Variants in NTN4 observed in about 807,000 individuals in gnomAD.
The protein encoded by NTN4 is netrin 4.
A neutral mutation model predicts 73.6 loss-of-function variants in NTN4; 32 were observed. The observed-to-expected ratio is 0.44, with a 90% confidence interval of 0.33 to 0.58. The LOEUF (loss-of-function observed/expected upper bound fraction) is 0.58. Among genes scored for constraint, NTN4 ranks in the 20% least tolerant of loss-of-function variants. The pLI is 0.04. For missense variants in NTN4, 654 were observed against 798.3 expected (o/e 0.82, Z 2.18); for synonymous variants, 258 against 287.5 (o/e 0.90, Z 1.04).
intron 1 of NTN4, 140 bp from the exon 2 acceptor site, chr12:95,787,608 A>G: frequency 2.7e-6 from 2 of 731,230 alleles, no homozygotes. Context: ...ACCATGCTCC[A>G]CCATGTTCCT....
intron 3 of NTN4, among the ~76,000 whole-genome samples, chr12:95,733,829 G>T (rs747919845): frequency 1.2e-4 from 18 of 152,102 alleles, no homozygotes; most frequent in Non-Finnish European, 2.5e-4. Flanking sequence ...CAGCACTTTG[G>T]AAGGCCGAGG....
chr12:95,665,289 G>T (rs1277061766), intron 9 of NTN4, among the ~76,000 whole-genome samples: 2 of 152,092 alleles, frequency 1.3e-5, no homozygotes, highest in African/African-American at 4.8e-5. Context: ...GTTTATTTCT[G>T]CTGTTTCTAA....
chr12:95,759,077 T>G (rs1477098113), intron 2 of NTN4, among the ~76,000 whole-genome samples: 1 of 152,232 alleles, frequency 6.6e-6, no homozygotes, highest in Non-Finnish European at 1.5e-5. Context: ...TTCTGTCCCT[T>G]CACATATGAA....
chr12:95,702,007 C>T (rs562586393), intron 5 of NTN4, among the ~76,000 whole-genome samples: 4 of 151,868 alleles, frequency 2.6e-5, no homozygotes, highest in African/African-American at 4.8e-5. Flanking sequence ...TGGCTGGGCG[C>T]GGTGGCTCAC....
intron 8 of NTN4, 71 bp downstream of exon 8, chr12:95,670,007 C>G (rs1592653075): frequency 1.2e-6 from 1 of 841,862 alleles, no homozygotes; most frequent in East Asian, 2.5e-5. Context: ...GTCAGGCCTC[C>G]CATTTTCTTA....
Position 95,722,973 on chromosome 12 carries a change from C to CAAAAAA in NTN4, c.865-9641_865-9636dup, listed in dbSNP as rs71087998. 1.8e-4 allele frequency among the ~76,000 whole-genome samples: 10 copies of CAAAAAA among 55,352 alleles called. 2 individuals carry two copies. The highest frequency in any genetic ancestry group is 2.5e-4 in the Non-Finnish European group (8 of 31,592). 36.3% of individuals were successfully genotyped at this position (55,352 alleles called of 152,430 possible). A position where few individuals can be genotyped will look rare whatever the true frequency, so the allele number is the denominator to read the frequency against. ...TGGGTGACAGAGTGAGACTCTGTCTCAAAAAAAAAAAAAAAAAAAAAAAAA... is the reference window on the plus strand; with the variant it reads ...TGGGTGACAGAGTGAGACTCTGTCTCAAAAAAAAAAAAAAAAAAAAAAAAAAAAAAA... On this transcript the variant is annotated intron_variant, in intron 3 of 9. Coordinates refer to ENST00000343702, the MANE Select transcript of NTN4 (RefSeq NM_021229.4).
intron 3 of NTN4, 40 bp from the exon 4 acceptor site, chr12:95,713,378 C>A: frequency 1.3e-6 from 2 of 1,516,534 alleles, no homozygotes; most frequent in South Asian, 1.3e-5. Flanking sequence ...GCACACATGT[C>A]GCCAAAGAAG....
chr12:95,751,576 C>G (rs1484811576), intron 2 of NTN4, among the ~76,000 whole-genome samples: 1 of 151,944 alleles, frequency 6.6e-6, no homozygotes, highest in Non-Finnish European at 1.5e-5. Flanking sequence ...CAGCCACTCC[C>G]AGAGCCCCTG....
At position 95,713,409 on chromosome 12, in the gene NTN4, A is replaced by G. The variant is rs1458702441; in HGVS notation, c.865-71T>C. 4.1e-6 allele frequency: 6 copies of G among 1,448,918 alleles called. No homozygotes were observed. The African/African-American group carries it at 4.2e-5, about 10-fold the overall frequency. The allele number at this position is 1,448,918 out of a possible 1,614,324, so 89.8% of individuals were successfully genotyped here. Reference sequence around the variant, plus strand: ...AGAAGAACAGAACATGCTTCCCACAATCTAATCTCATGGATTGGCTTTAGT... The same window carrying G: ...AGAAGAACAGAACATGCTTCCCACAGTCTAATCTCATGGATTGGCTTTAGT... On this transcript the variant is annotated intron_variant, in intron 3 of 9. Coordinates refer to ENST00000343702, the MANE Select transcript of NTN4 (RefSeq NM_021229.4).
In NTN4 at chr12:95,790,398, G is replaced by C; in HGVS notation, c.-89C>G. Reference sequence around the variant, plus strand: ...TGCGGGATGAAGCGCCGCCGTCCTCGGGAGGGAACGGGGCCCTGGTTTCTT... The same window carrying C: ...TGCGGGATGAAGCGCCGCCGTCCTCCGGAGGGAACGGGGCCCTGGTTTCTT... On this transcript the variant is annotated 5_prime_UTR_variant, in exon 1 of 10. Transcript: ENST00000343702. The surrounding 1 kb of genome is among the most constrained non-coding windows in gnomAD (Gnocchi z 6.5). The C allele has an allele frequency of 1.8e-6, 2 of 1,128,280 alleles. No homozygotes were observed. The highest frequency in any genetic ancestry group is 2.4e-6 in the Non-Finnish European group (2 of 820,810). 69.9% of individuals were successfully genotyped at this position (1,128,280 alleles called of 1,614,324 possible). A position where few individuals can be genotyped will look rare whatever the true frequency, so the allele number is the denominator to read the frequency against.
Position 95,682,962 on chromosome 12 carries a change from G to T in NTN4, c.1395-140C>A, listed in dbSNP as rs2078330449. 9.2e-6 allele frequency: 5 copies of T among 544,364 alleles called. No homozygotes were observed. In the Admixed American group the frequency reaches 1.7e-4, roughly 19 times the overall value. The allele number at this position is 544,364 out of a possible 1,614,324, so 33.7% of individuals were successfully genotyped here. On this transcript the variant is annotated intron_variant, in intron 6 of 9. Transcript: ENST00000343702. ...AGAAATAGTGTTTTAAGGAACTATT[G>T]TGAAGACAATAATTATTTTGCAAAA...
intron 5 of NTN4, among the ~76,000 whole-genome samples, chr12:95,706,596 C>A (rs2078523475): frequency 6.6e-6 from 1 of 151,988 alleles, no homozygotes; most frequent in Admixed American, 6.6e-5. Flanking sequence ...CTCCTAGTAC[C>A]CTAGAAAATA....
intron 5 of NTN4, among the ~76,000 whole-genome samples, chr12:95,703,084 T>C (rs1278300439): frequency 6.6e-6 from 1 of 152,118 alleles, no homozygotes; most frequent in Admixed American, 6.5e-5. Flanking sequence ...CTCGAACTCC[T>C]GACCTCAGGT....
At chr12:95,736,448 G>A (rs2121171498) in intron 3 of NTN4, among the ~76,000 whole-genome samples, 1 of 152,300 alleles carries the variant, frequency 6.6e-6, no homozygotes, top group East Asian at 1.9e-4. Context: ...GGAAACAAAA[G>A]ATCTGCATGC....
chr12:95,679,577 C>T (rs1486981411), intron 7 of NTN4, among the ~76,000 whole-genome samples: 2 of 152,188 alleles, frequency 1.3e-5, no homozygotes, highest in Non-Finnish European at 2.9e-5. Context: ...CCTCACATCC[C>T]TATTTACCCA....
At chr12:95,782,534 G>A (rs768264601) in intron 2 of NTN4, among the ~76,000 whole-genome samples, 1 of 152,014 alleles carries the variant, frequency 6.6e-6, no homozygotes, top group African/African-American at 2.4e-5. Flanking sequence ...CTGACCTTAG[G>A]TGATCTGCCT....
chr12:95,690,705 T>C (rs1270899969), intron 5 of NTN4, among the ~76,000 whole-genome samples: 5 of 152,108 alleles, frequency 3.3e-5, no homozygotes, highest in African/African-American at 4.8e-5. Flanking sequence ...CATAATCTAG[T>C]ATGAAAATTA....
intron 3 of NTN4, among the ~76,000 whole-genome samples, chr12:95,727,360 T>G (rs1049545186): frequency 2.0e-5 from 3 of 152,198 alleles, no homozygotes; most frequent in African/African-American, 7.2e-5. Context: ...TTGAAAGTAT[T>G]TACTCCCATT....
At chr12:95,720,261 A>G (rs922433602) in intron 3 of NTN4, among the ~76,000 whole-genome samples, 1 of 152,230 alleles carries the variant, frequency 6.6e-6, no homozygotes, top group African/African-American at 2.4e-5. Flanking sequence ...GGAGGAGGGA[A>G]AGGGAATGTC....
Sources: allele counts gnomAD v4.1 joint callset (sites outside exome capture counted in the v4.1 genomes callset), GRCh38; gene constraint gnomAD v4.1.1; non-coding constraint Gnocchi (gnomAD v3.1); transcripts MANE v1.5; gene names NCBI Gene and HGNC (gene_info 2026-07-23, HGNC 2026-07-21).